Variants in MEIS2 observed in about 807,000 individuals in gnomAD.
MEIS2 encodes homeobox protein Meis2.
In MEIS2, 9 loss-of-function variants were observed where a neutral mutation model predicts 58.6. That is an observed-to-expected ratio of 0.15 (90% CI 0.09 to 0.27). MEIS2 has a LOEUF of 0.27. Ranked by LOEUF, MEIS2 falls within the 10% of genes least tolerant of loss-of-function variation. The probability of loss-of-function intolerance (pLI) is 1.00; values close to 1 mark genes in which losing one functional copy is unlikely to be tolerated. For missense variants in MEIS2, 427 were observed against 635.0 expected (o/e 0.67, Z 3.52); for synonymous variants, 221 against 228.4 (o/e 0.97, Z 0.29).
At chr15:37,001,081 C>G (rs922309845) in intron 8 of MEIS2, among the ~76,000 whole-genome samples, 11 of 152,188 alleles carry the variant, frequency 7.2e-5, no homozygotes, top group Non-Finnish European at 1.6e-4. Flanking sequence ...TTATGCATTT[C>G]TTTTGCATTA....
At chr15:37,025,050 C>T (rs1310192365) in intron 8 of MEIS2, among the ~76,000 whole-genome samples, 1 of 152,222 alleles carries the variant, frequency 6.6e-6, no homozygotes, top group East Asian at 1.9e-4. Context: ...TTGCCTTTCT[C>T]TTGCACATGT....
intron 8 of MEIS2, among the ~76,000 whole-genome samples, chr15:37,027,284 T>G (rs558042208): frequency 6.6e-6 from 1 of 152,308 alleles, no homozygotes; most frequent in East Asian, 1.9e-4. Context: ...CAGTAACACT[T>G]TCTAAAATCG....
At chr15:36,973,663 C>G (rs2059644405) in intron 8 of MEIS2, among the ~76,000 whole-genome samples, 1 of 151,962 alleles carries the variant, frequency 6.6e-6, no homozygotes, top group Non-Finnish European at 1.5e-5. Context: ...GTGCTTTGCA[C>G]ATAATAAGAG....
intron 9 of MEIS2, among the ~76,000 whole-genome samples, chr15:36,935,966 C>T (rs568490044): frequency 2.6e-5 from 4 of 152,230 alleles, no homozygotes; most frequent in African/African-American, 9.6e-5. Context: ...TTCCCCATTA[C>T]CTGCAAATAA....
At chr15:36,921,801 CAA>C (rs370990669) in intron 9 of MEIS2, among the ~76,000 whole-genome samples, 83 of 150,618 alleles carry the variant, frequency 5.5e-4, no homozygotes, top group African/African-American at 2.0e-3. Flanking sequence ...CAACAAGAAA[CAA>C]AGACTCAAGT....
intron 8 of MEIS2, among the ~76,000 whole-genome samples, chr15:36,979,120 G>A (rs533485180): frequency 6.6e-6 from 1 of 152,216 alleles, no homozygotes; most frequent in Non-Finnish European, 1.5e-5. Context: ...TGCTACAAAT[G>A]AAAAATTCCA....
At chr15:36,921,781 G>A (rs1482645484) in intron 9 of MEIS2, among the ~76,000 whole-genome samples, 2 of 151,508 alleles carry the variant, frequency 1.3e-5, no homozygotes, top group African/African-American at 2.4e-5. Flanking sequence ...TTAGATAGTC[G>A]GCACTAAAAC....
At chr15:37,092,528 A>G (rs1315165794) in intron 6 of MEIS2, among the ~76,000 whole-genome samples, 1 of 151,922 alleles carries the variant, frequency 6.6e-6, no homozygotes, top group Non-Finnish European at 1.5e-5. Flanking sequence ...TGTGAGTTCA[A>G]CTGAATGTAA....
In MEIS2 at chr15:37,045,379, C is replaced by T. The variant is rs371505509; in HGVS notation, c.755-8420G>A. On this transcript the variant is annotated intron_variant, in intron 7 of 11. Transcript: ENST00000561208. ...AACAGGATTACAACACACTAAGAGC[C>T]AAAAGGTATTTTCTTTCAGCGGTTG... Among the ~76,000 whole-genome samples, 3 of 151,984 alleles carry T rather than the reference C, an allele frequency of 2.0e-5. No homozygotes were observed. In the East Asian group the frequency reaches 5.8e-4, roughly 29 times the overall value.
At chr15:37,040,881 G>A (rs2062394298) in intron 7 of MEIS2, among the ~76,000 whole-genome samples, 1 of 152,208 alleles carries the variant, frequency 6.6e-6, no homozygotes, top group South Asian at 2.1e-4. Flanking sequence ...AAAGGAATTT[G>A]TAATTTCAAC....
intron 8 of MEIS2, among the ~76,000 whole-genome samples, chr15:37,020,144 G>A (rs777950338): frequency 2.0e-5 from 3 of 152,082 alleles, no homozygotes; most frequent in South Asian, 2.1e-4. Context: ...CCTCCTGCTC[G>A]CTGTGAATTA....
chr15:37,065,675 G>A (rs998102980), intron 7 of MEIS2, among the ~76,000 whole-genome samples: 1 of 152,224 alleles, frequency 6.6e-6, no homozygotes, highest in Non-Finnish European at 1.5e-5. Flanking sequence ...GTAGGTTACA[G>A]AGGTGATTAA....
At chr15:37,007,698 G>A (rs1289790748) in intron 8 of MEIS2, among the ~76,000 whole-genome samples, 2 of 152,146 alleles carry the variant, frequency 1.3e-5, no homozygotes, top group Non-Finnish European at 2.9e-5. Flanking sequence ...ATACACACTT[G>A]GGGACCACTG....
At chr15:36,966,890 GA>G (rs5811951) in intron 8 of MEIS2, among the ~76,000 whole-genome samples, 126,233 of 152,022 alleles carry the variant, frequency 0.83, 52,524 homozygotes, top group East Asian at 0.93. Flanking sequence ...AGCCAGCTAG[GA>G]AGGCAGGATG....
At chr15:36,905,326 C>T (rs1407485368) in intron 9 of MEIS2, among the ~76,000 whole-genome samples, 1 of 152,052 alleles carries the variant, frequency 6.6e-6, no homozygotes, top group Non-Finnish European at 1.5e-5. Flanking sequence ...TAAACATTCT[C>T]ACTTCTATTA....
chr15:37,035,314 A>G (rs533477880), intron 8 of MEIS2, among the ~76,000 whole-genome samples: 40 of 152,344 alleles, frequency 2.6e-4, no homozygotes, highest in African/African-American at 8.4e-4. Context: ...ACAGCTGTGA[A>G]GTAATTTTGA....
chr15:36,995,171 T>G (rs1043987434), intron 8 of MEIS2, among the ~76,000 whole-genome samples: 1 of 152,238 alleles, frequency 6.6e-6, no homozygotes, highest in African/African-American at 2.4e-5. Context: ...TCCTCCCTGA[T>G]ATATGGCTGA....
At chr15:36,897,863 A>C (rs559542145) in intron 9 of MEIS2, 31 of 152,294 alleles carry the variant, frequency 2.0e-4, no homozygotes, top group African/African-American at 7.5e-4. Context: ...CAGGAACTGA[A>C]AACTCACTCT....
intron 7 of MEIS2, among the ~76,000 whole-genome samples, chr15:37,079,820 T>C (rs913200544): frequency 6.6e-6 from 1 of 152,160 alleles, no homozygotes; most frequent in African/African-American, 2.4e-5. Context: ...TACAGCCCTG[T>C]GTCCTGAAAG....
Sources: allele counts gnomAD v4.1 joint callset (sites outside exome capture counted in the v4.1 genomes callset), GRCh38; gene constraint gnomAD v4.1.1; transcripts MANE v1.5; gene names NCBI Gene and HGNC (gene_info 2026-07-23, HGNC 2026-07-21).